The following PPA2 variants were observed in gnomAD, a reference collection of about 807,000 sequenced individuals.
PPA2 encodes inorganic pyrophosphatase 2, mitochondrial.
PPA2 carries 48 observed loss-of-function variants against 49.5 expected under a neutral mutation model. That is an observed-to-expected ratio of 0.97 (90% confidence interval 0.77 to 1.23). PPA2 has a LOEUF of 1.23. Among genes scored for constraint, PPA2 ranks in the 50% most tolerant of loss-of-function variants. The probability of loss-of-function intolerance (pLI) is 0.00; values close to 1 mark genes in which losing one functional copy is unlikely to be tolerated. For missense variants in PPA2, 429 were observed against 410.1 expected (o/e 1.05, Z -0.40); for synonymous variants, 131 against 139.9 (o/e 0.94, Z 0.45).
At chr4:105,472,317 C>T (rs1029276505) in intron 1 of PPA2, among the ~76,000 whole-genome samples, 10 of 152,202 alleles carry the variant, frequency 6.6e-5, no homozygotes, top group African/African-American at 2.4e-4. Flanking sequence ...GCGCTCCTGG[C>T]TTCTCAAGCC....
chr4:105,470,483 T>G (rs1307862691), intron 1 of PPA2, among the ~76,000 whole-genome samples: 1 of 152,068 alleles, frequency 6.6e-6, no homozygotes, highest in Non-Finnish European at 1.5e-5. Context: ...AGACCCCATC[T>G]CTAAACAAAC....
intron 1 of PPA2, among the ~76,000 whole-genome samples, chr4:105,466,224 T>C (rs142020133): frequency 9.2e-4 from 140 of 152,212 alleles, no homozygotes; most frequent in African/African-American, 3.3e-3. Flanking sequence ...CCACTTGACC[T>C]TCTAAAATTC....
intron 7 of PPA2, among the ~76,000 whole-genome samples, chr4:105,402,324 TAC>T (rs1173127260): frequency 6.6e-6 from 1 of 152,112 alleles, no homozygotes; most frequent in African/African-American, 2.4e-5. Context: ...CATAAAAATC[TAC>T]AGTTATGCAT....
At chr4:105,441,364 G>GA (rs1724350819) in intron 5 of PPA2, among the ~76,000 whole-genome samples, 1 of 151,972 alleles carries the variant, frequency 6.6e-6, no homozygotes, top group African/African-American at 2.4e-5. Flanking sequence ...AGTCTGATCA[G>GA]AAAAATACTA....
At position 105,398,836 on chromosome 4, in the gene PPA2, A is replaced by T. The variant is rs1560612324; in HGVS notation, c.783+201T>A. On this transcript the variant is annotated intron_variant, in intron 8 of 11. Coordinates refer to ENST00000341695, the MANE Select transcript of PPA2 (RefSeq NM_176869.3). ...TATAGACACATAGATGGAAATATAT[A>T]TTTTTCAGCCTTGTTGATTCACTTA... 11 of 448,566 alleles carry T rather than the reference A, an allele frequency of 2.5e-5. 1 individual carries two copies. The South Asian group carries it at 4.4e-4, about 18-fold the overall frequency. The allele number at this position is 448,566 out of a possible 1,614,324, so 27.8% of individuals were successfully genotyped here.
At chr4:105,430,428 C>T (rs1723742287) in intron 6 of PPA2, among the ~76,000 whole-genome samples, 1 of 152,156 alleles carries the variant, frequency 6.6e-6, no homozygotes, top group Non-Finnish European at 1.5e-5. Flanking sequence ...CTATATTAGG[C>T]ACTGTGTATT....
chr4:105,373,139 A>G (rs1465994979), intron 10 of PPA2, among the ~76,000 whole-genome samples: 1 of 152,162 alleles, frequency 6.6e-6, no homozygotes, highest in East Asian at 1.9e-4. Flanking sequence ...TGCCTGGCCT[A>G]AAATTACAAT....
chr4:105,419,500 A>G (rs1297727195), intron 7 of PPA2, among the ~76,000 whole-genome samples: 1 of 152,232 alleles, frequency 6.6e-6, no homozygotes, highest in Admixed American at 6.5e-5. Flanking sequence ...GACATTTTTT[A>G]GACTTTTACA....
At chr4:105,450,937 AT>A (rs542920634) in intron 3 of PPA2, among the ~76,000 whole-genome samples, 81 of 152,006 alleles carry the variant, frequency 5.3e-4, no homozygotes, top group African/African-American at 1.7e-3. Flanking sequence ...TGTTGATTGC[AT>A]TTTTTTTAAG....
At chr4:105,389,452 A>AC (rs1236135810) in intron 9 of PPA2, among the ~76,000 whole-genome samples, 6 of 151,566 alleles carry the variant, frequency 4.0e-5, no homozygotes, top group African/African-American at 7.3e-5. Context: ...AACTTAAAAA[A>AC]AAAAAAAAAA....
intron 5 of PPA2, among the ~76,000 whole-genome samples, chr4:105,444,701 T>C (rs1196563839): frequency 1.3e-5 from 2 of 152,170 alleles, no homozygotes; most frequent in African/African-American, 2.4e-5. Flanking sequence ...TGCTTTTTTA[T>C]TTTTTTCATA....
intron 6 of PPA2, among the ~76,000 whole-genome samples, chr4:105,437,123 C>T (rs72950576): frequency 0.039 from 5,903 of 151,970 alleles, 293 homozygotes; most frequent in African/African-American, 0.12. Context: ...TTAAAAAGTG[C>T]GCAAAGGCCA....
At chr4:105,379,432 G>GATAA (rs931011412) in intron 10 of PPA2, among the ~76,000 whole-genome samples, 1 of 82,618 alleles carries the variant, frequency 1.2e-5, no homozygotes, top group Non-Finnish European at 3.1e-5. Context: ...TGTGTAGATA[G>GATAA]ATAGATAGAT....
chr4:105,398,939 T>C, intron 8 of PPA2, 98 bp downstream of exon 8: 1 of 1,289,280 alleles, frequency 7.8e-7, no homozygotes, highest in Non-Finnish European at 1.0e-6. Flanking sequence ...TTTTTAACCA[T>C]GCTATATATA....
At position 105,444,042 on chromosome 4, in the gene PPA2, T is replaced by C. The variant is rs188610827; in HGVS notation, c.441+2341A>G. Reference sequence around the variant, plus strand: ...TTTTACTTGGGGTTTATTTTGTTTATTGTCTGTTTATCTGACTAAAATAAA... The same window carrying C: ...TTTTACTTGGGGTTTATTTTGTTTACTGTCTGTTTATCTGACTAAAATAAA... On this transcript the variant is annotated intron_variant, in intron 5 of 11. Coordinates refer to ENST00000341695, the MANE Select transcript of PPA2 (RefSeq NM_176869.3). Among the ~76,000 whole-genome samples, 414 of 152,356 alleles carry C rather than the reference T, an allele frequency of 2.7e-3. 2 individuals are homozygous for C. Among genetic ancestry groups the C allele is most frequent in the Admixed American group, 6.9e-3 (105 of 15,302 alleles).
chr4:105,438,941 G>A (rs1724203178), intron 5 of PPA2, among the ~76,000 whole-genome samples: 5 of 151,704 alleles, frequency 3.3e-5, no homozygotes, highest in Non-Finnish European at 7.4e-5. Context: ...CTAAGCATTA[G>A]AGAAATTCCA....
At chr4:105,443,062 G>T (rs914626890) in intron 5 of PPA2, among the ~76,000 whole-genome samples, 2 of 152,080 alleles carry the variant, frequency 1.3e-5, no homozygotes, top group Admixed American at 6.6e-5. Flanking sequence ...CTAGCTGGGA[G>T]AAATTAACAA....
rs1560606822 is a variant in PPA2 at position 105,386,620 on chromosome 4, A to ATC, written c.885_886insGA (p.Ser296AspfsTer16). 2 of 1,612,594 alleles carry ATC rather than the reference A, an allele frequency of 1.2e-6. No individual in the cohort carries two copies. Among genetic ancestry groups the ATC allele is most frequent in the East Asian group, 4.5e-5 (2 of 44,766 alleles). On this transcript the variant is annotated frameshift_variant, in exon 10 of 12. Transcript: ENST00000341695. LOFTEE classifies it high-confidence loss of function. ...TGAGTGCAACGGAAAGGGCTATCAGATATCTGCACGTTTGTGCTGGAGAGG... is the reference window on the plus strand; with the variant it reads ...TGAGTGCAACGGAAAGGGCTATCAGATCTATCTGCACGTTTGTGCTGGAGAGG...
intron 2 of PPA2, among the ~76,000 whole-genome samples, chr4:105,455,060 C>T (rs1722825176): frequency 6.6e-6 from 1 of 152,164 alleles, no homozygotes; most frequent in Admixed American, 6.6e-5. Flanking sequence ...TTAACATTAT[C>T]TGACTGACTT....
Sources: gnomAD v4.1 joint callset for allele counts (sites outside exome capture counted in the v4.1 genomes callset) on GRCh38, gnomAD v4.1.1 for gene constraint, MANE v1.5 for transcripts, NCBI Gene and HGNC (gene_info 2026-07-23, HGNC 2026-07-21) for gene names.